Variants in PDK4 observed in about 807,000 individuals in gnomAD.
PDK4 encodes the protein pyruvate dehydrogenase kinase, isozyme 4.
In PDK4, 43 loss-of-function variants were observed where a neutral mutation model predicts 51.7. The ratio of observed to expected loss-of-function variants is 0.83; its 90% confidence interval spans 0.65 to 1.07. The LOEUF is 1.07. Among genes scored for constraint, PDK4 ranks in the 50% least tolerant of loss-of-function variants. PDK4 has a pLI of 0.00. For synonymous variants in PDK4, 170 were observed against 176.6 expected (o/e 0.96, Z 0.30); for missense variants, 498 against 503.5 (o/e 0.99, Z 0.10).
intron 3 of PDK4, 107 bp from the exon 4 acceptor site, chr7:95,593,051 G>A (rs1791572647): frequency 5.0e-6 from 3 of 600,410 alleles, no homozygotes; most frequent in Non-Finnish European, 5.7e-6. Context: ...TTACCCATCT[G>A]AACAAATCAA....
intron 1 of PDK4, 84 bp downstream of exon 1, chr7:95,596,080 G>A (rs1791615748): frequency 7.1e-7 from 1 of 1,416,248 alleles, no homozygotes; most frequent in Non-Finnish European, 9.5e-7. Flanking sequence ...TTTAGCTTGA[G>A]CCTAGCCCTC....
At chr7:95,588,181 G>A (rs1791510990) in intron 7 of PDK4, among the ~76,000 whole-genome samples, 1 of 152,036 alleles carries the variant, frequency 6.6e-6, no homozygotes, top group African/African-American at 2.4e-5. Context: ...TTACATCCAA[G>A]CACCAAAGAC....
At position 95,593,759 on chromosome 7, in the gene PDK4, C is replaced by G. The variant is rs1233960665; in HGVS notation, c.284G>C (p.Ser95Thr). The part of the protein sequence containing the change: ...VQLVKSWYIQ[S>T]LMDLVEFHEK... The stretch of plus-strand genomic sequence containing the variant: ...ATGGAATTCCACCAAATCCATCAGG[C>G]TCTGTATATACCTGTAAAGAAACAG... The change falls in exon 3 of 11, where the codon AGC becomes ACC. Residue 95 changes from serine to threonine, a missense_variant. Ser to Thr is a moderately conservative substitution (Grantham distance 58). Transcript: ENST00000005178. 1 of 1,532,300 alleles carries G rather than the reference C, an allele frequency of 6.5e-7. No individual in the cohort carries two copies. Among genetic ancestry groups the G allele is most frequent in the Non-Finnish European group, 9.0e-7 (1 of 1,106,038 alleles). The allele number at this position is 1,532,300 out of a possible 1,614,324, so 94.9% of individuals were successfully genotyped here. A position where few individuals can be genotyped will look rare whatever the true frequency, so the allele number is the denominator to read the frequency against.
At position 95,593,606 on chromosome 7, in the gene PDK4, C is replaced by T. The variant is rs149180844; in HGVS notation, c.344+93G>A. 4.7e-3 allele frequency: 3,039 copies of T among 652,466 alleles called. 18 individuals carry two copies. Among genetic ancestry groups the T allele is most frequent in the Admixed American group, 6.4e-3 (268 of 41,926 alleles). 40.4% of individuals were successfully genotyped at this position (652,466 alleles called of 1,614,324 possible). On this transcript the variant is annotated intron_variant, in intron 3 of 10. Coordinates refer to ENST00000005178, the MANE Select transcript of PDK4 (RefSeq NM_002612.4). ...GAGGGTAGTGATTTATTATTCAGAGCTGAATTCCTTTAATTTAGGTCTAAA... is the reference window on the plus strand; with the variant it reads ...GAGGGTAGTGATTTATTATTCAGAGTTGAATTCCTTTAATTTAGGTCTAAA...
chr7:95,596,276 G>T lies in PDK4; in HGVS notation c.18C>A (p.Phe6Leu). The T allele has an allele frequency of 6.3e-7, 1 of 1,578,672 alleles. No individual in the cohort carries two copies. The change falls in exon 1 of 11, where the codon TTC (phenylalanine) becomes TTA (leucine). Residue 6 changes from phenylalanine to leucine, a missense_variant. Coordinates refer to ENST00000005178, the MANE Select transcript of PDK4 (RefSeq NM_002612.4). MKAARFVLRSAGSLNG... is the reference protein window; with the variant it reads MKAARLVLRSAGSLNG... Reference sequence around the variant, plus strand: ...TGAGCGAGCCAGCGCTGCGCAGCACGAAGCGGGCCGCCTTCATCTTGACGC... The same window carrying T: ...TGAGCGAGCCAGCGCTGCGCAGCACTAAGCGGGCCGCCTTCATCTTGACGC...
At chr7:95,595,976 G>C (rs1478750749) in intron 1 of PDK4, among the ~76,000 whole-genome samples, 188 bp downstream of exon 1, 2 of 152,164 alleles carry the variant, frequency 1.3e-5, no homozygotes, top group South Asian at 2.1e-4. Context: ...TTGACCTGGA[G>C]GCACCCCTGT....
chr7:95,593,008 G>C, intron 3 of PDK4, 64 bp from the exon 4 acceptor site: 1 of 1,131,638 alleles, frequency 8.8e-7, no homozygotes, highest in Non-Finnish European at 1.2e-6. Context: ...TACTCCTAAG[G>C]TTACTTCACA....
chr7:95,591,805 A>T (rs1487747833), intron 6 of PDK4, among the ~76,000 whole-genome samples, 183 bp downstream of exon 6: 1 of 152,200 alleles, frequency 6.6e-6, no homozygotes, highest in Non-Finnish European at 1.5e-5. Flanking sequence ...GCAACTGAAT[A>T]GGCAGAATTG....
rs1349107750 is a variant in PDK4, at chr7:95,589,734, A to C, written c.695-18T>G. On this transcript the variant is annotated intron_variant, in intron 6 of 10. Transcript: ENST00000005178. ...AAATTTTCCTAGAAAAATAAAATTC[A>C]TTAAGAATTTGTAAACAAATACTTC... 38 of 1,371,720 alleles carry C rather than the reference A, an allele frequency of 2.8e-5. No individual in the cohort carries two copies. The highest frequency in any genetic ancestry group is 3.7e-5 in the Non-Finnish European group (36 of 962,358). 85.0% of individuals were successfully genotyped at this position (1,371,720 alleles called of 1,614,324 possible). A position where few individuals can be genotyped will look rare whatever the true frequency, so the allele number is the denominator to read the frequency against.
intron 10 of PDK4, among the ~76,000 whole-genome samples, chr7:95,586,194 G>GTTTTTTTTTT (rs11377701): frequency 3.3e-5 from 4 of 120,796 alleles, no homozygotes; most frequent in South Asian, 2.8e-4. Flanking sequence ...ATGCACCAAG[G>GTTTTTTTTTT]TTTTTTTTTT....
At chr7:95,596,106 A>C in intron 1 of PDK4, 58 bp downstream of exon 1, 1 of 1,510,842 alleles carries the variant, frequency 6.6e-7, no homozygotes, top group Non-Finnish European at 8.9e-7. Context: ...ACCAAGGCTG[A>C]AAGTTAAGGC....
At chr7:95,592,631 T>C (rs1369321259) in intron 4 of PDK4, 34 bp from the exon 5 acceptor site, 1 of 1,502,968 alleles carries the variant, frequency 6.7e-7, no homozygotes, top group Non-Finnish European at 9.3e-7. Context: ...AAAATTGTTA[T>C]AAAATTCAGG....
chr7:95,592,914 A>G lies in PDK4; in HGVS notation c.375T>C (p.Asn125=), dbSNP rs751427778. The G allele has an allele frequency of 6.2e-7, 1 of 1,602,968 alleles. No homozygotes were observed. The highest frequency in any genetic ancestry group is 1.1e-5 in the South Asian group (1 of 89,360). ...TTGTAGGGACTACATTATGGTGTCT[A>G]TTTCGAACTTTGATGAGTGTATCTA... ...DFVDTLIKVR[N]RHHNVVPTMA... The change falls in exon 4 of 11, where the codon AAT becomes AAC. Residue 125 remains asparagine (N), a synonymous_variant. Transcript: ENST00000005178.
rs941527302 is a variant in PDK4, at chr7:95,584,843, TTCTC to T, written c.*794_*797del. On this transcript the variant is annotated 3_prime_UTR_variant, in exon 11 of 11. Transcript: ENST00000005178. ...GATATTTTTGCTGTTACTTTGGCAA[TTCTC>T]TCTCTCCAATCCCCAACATCCCGAG... 6.6e-6 allele frequency: 1 copy of T among 152,620 alleles called. No individual in the cohort carries two copies. The highest frequency in any genetic ancestry group is 1.5e-5 in the Non-Finnish European group (1 of 68,038). 9.5% of individuals were successfully genotyped at this position (152,620 alleles called of 1,614,324 possible). A position where few individuals can be genotyped will look rare whatever the true frequency, so the allele number is the denominator to read the frequency against.
chr7:95,596,138 A>G (rs1232674404), intron 1 of PDK4, 26 bp downstream of exon 1: 1 of 1,592,028 alleles, frequency 6.3e-7, no homozygotes, highest in African/African-American at 1.4e-5. Context: ...CCTAGGACCC[A>G]GCTTGGGCCC....
chr7:95,591,314 TG>T (rs1370515115), intron 6 of PDK4, among the ~76,000 whole-genome samples: 1 of 151,644 alleles, frequency 6.6e-6, no homozygotes, highest in Non-Finnish European at 1.5e-5. Flanking sequence ...TGTATTGGGG[TG>T]GAGACATTTA....
chr7:95,586,065 G>T (rs10236474), intron 10 of PDK4, among the ~76,000 whole-genome samples: 44,865 of 152,042 alleles, frequency 0.3, 7,440 homozygotes, highest in East Asian at 0.78. Flanking sequence ...ATGGGAGCCT[G>T]AAAGTTTAAT....
chr7:95,593,029 G>T, intron 3 of PDK4, 85 bp from the exon 4 acceptor site: 3 of 852,922 alleles, frequency 3.5e-6, no homozygotes, highest in Non-Finnish European at 5.3e-6. Flanking sequence ...GAAGGCTAAA[G>T]TTTTTTTTGC....
At chr7:95,587,704 A>G in intron 8 of PDK4, 23 bp downstream of exon 8, 1 of 1,521,624 alleles carries the variant, frequency 6.6e-7, no homozygotes, top group Non-Finnish European at 9.1e-7. Context: ...GAGACACCCA[A>G]AAGGAAAACA....
Sources: allele counts gnomAD v4.1 joint callset (sites outside exome capture counted in the v4.1 genomes callset), GRCh38; gene constraint gnomAD v4.1.1; transcripts MANE v1.5; gene names NCBI Gene and HGNC (gene_info 2026-07-23, HGNC 2026-07-21).